Variants in SLC24A4 observed in about 807,000 individuals in gnomAD.
SLC24A4 encodes the protein solute carrier family 24 member 4.
SLC24A4 carries 53 observed loss-of-function variants against 79.0 expected under a neutral mutation model. The ratio of observed to expected loss-of-function variants is 0.67; its 90% CI spans 0.54 to 0.84. The LOEUF is 0.84. SLC24A4 is among the 40% of genes least tolerant of loss of function. The pLI is 0.00. For missense variants in SLC24A4, 731 were observed against 822.0 expected (o/e 0.89, Z 1.35); for synonymous variants, 323 against 323.8 (o/e 1.00, Z 0.03).
At position 92,500,008 on chromosome 14, in the gene SLC24A4, T is replaced by G. The variant is rs1178557036; in HGVS notation, c.*6380T>G. On this transcript the variant is annotated 3_prime_UTR_variant, in exon 17 of 17. Transcript: ENST00000532405. The stretch of plus-strand genomic sequence containing the variant: ...GCGCCTGCCACCACACCCAGCTAAT[T>G]TTTTGTATTTTTGGTACAGACAGGG... 6.6e-6 allele frequency: 1 copy of G among 151,922 alleles called. No individual in the cohort carries two copies. The highest frequency in any genetic ancestry group is 2.4e-5 in the African/African-American group (1 of 41,300). 9.4% of individuals were successfully genotyped at this position (151,922 alleles called of 1,614,324 possible).
At chr14:92,459,247 G>A (rs1006749254) in intron 12 of SLC24A4, among the ~76,000 whole-genome samples, 3 of 152,200 alleles carry the variant, frequency 2.0e-5, no homozygotes, top group South Asian at 2.1e-4. Context: ...GGAGGACCCC[G>A]GACCAGCCAC....
intron 16 of SLC24A4, 103 bp from the exon 17 acceptor site, chr14:92,493,373 G>A (rs1417544998): frequency 5.7e-6 from 8 of 1,399,444 alleles, no homozygotes; most frequent in Non-Finnish European, 7.8e-6. Flanking sequence ...CCCACATTCT[G>A]CAGAATGTTC....
At chr14:92,404,636 A>G (rs1434356886) in intron 2 of SLC24A4, among the ~76,000 whole-genome samples, 1 of 152,130 alleles carries the variant, frequency 6.6e-6, no homozygotes, top group Non-Finnish European at 1.5e-5. Context: ...TGTGCAAATA[A>G]CACCTCCTAG....
At chr14:92,414,299 G>A (rs1343739426) in intron 2 of SLC24A4, among the ~76,000 whole-genome samples, 1 of 152,180 alleles carries the variant, frequency 6.6e-6, no homozygotes, top group Non-Finnish European at 1.5e-5. Flanking sequence ...TGTCACCAGT[G>A]TCATAGGTAG....
intron 14 of SLC24A4, among the ~76,000 whole-genome samples, chr14:92,487,291 C>T (rs1946117434): frequency 1.3e-5 from 2 of 152,182 alleles, no homozygotes; most frequent in African/African-American, 4.8e-5. Flanking sequence ...GATGGTGGAA[C>T]AAAAGAGCTG....
At chr14:92,367,054 T>G (rs751159292) in intron 2 of SLC24A4, among the ~76,000 whole-genome samples, 1 of 152,152 alleles carries the variant, frequency 6.6e-6, no homozygotes. Context: ...AGGGAGCAGG[T>G]GGACACCCCG....
chr14:92,396,704 C>T (rs1253221483), intron 2 of SLC24A4, among the ~76,000 whole-genome samples: 1 of 152,170 alleles, frequency 6.6e-6, no homozygotes, highest in African/African-American at 2.4e-5. Flanking sequence ...TGATGCCCAG[C>T]GTGCCCAATT....
At chr14:92,385,644 C>T (rs1010859636) in intron 2 of SLC24A4, among the ~76,000 whole-genome samples, 14 of 152,262 alleles carry the variant, frequency 9.2e-5, no homozygotes, top group Admixed American at 3.3e-4. Context: ...GAGAGGCAGG[C>T]TCAGCAGGAG....
chr14:92,437,660 G>A (rs1360212731), intron 3 of SLC24A4, among the ~76,000 whole-genome samples: 2 of 152,184 alleles, frequency 1.3e-5, no homozygotes, highest in Admixed American at 6.5e-5. Context: ...GCGTTTTAAT[G>A]GTGCCAGCAT....
chr14:92,439,285 C>A, intron 3 of SLC24A4, 50 bp from the exon 4 acceptor site: 1 of 1,520,952 alleles, frequency 6.6e-7, no homozygotes, highest in Non-Finnish European at 9.1e-7. Context: ...CCCTTTGCAG[C>A]TGCAGCAGGG....
intron 3 of SLC24A4, among the ~76,000 whole-genome samples, chr14:92,436,326 A>C (rs1226104624): frequency 6.6e-6 from 1 of 152,220 alleles, no homozygotes; most frequent in Non-Finnish European, 1.5e-5. Flanking sequence ...GTTTTATTGG[A>C]GCACTGCCAC....
chr14:92,492,959 A>AAC (rs551206469), intron 16 of SLC24A4: 6,395 of 298,892 alleles, frequency 0.021, 173 homozygotes, highest in African/African-American at 0.042. Flanking sequence ...CTCTACCCCA[A>AAC]ACACACACAC....
At chr14:92,356,862 A>G (rs1030239171) in intron 2 of SLC24A4, among the ~76,000 whole-genome samples, 1 of 152,232 alleles carries the variant, frequency 6.6e-6, no homozygotes, top group Non-Finnish European at 1.5e-5. Flanking sequence ...CTGAGGATCT[A>G]ACACTAAGCC....
intron 2 of SLC24A4, among the ~76,000 whole-genome samples, chr14:92,427,272 T>C (rs1169606333): frequency 6.6e-6 from 1 of 152,204 alleles, no homozygotes; most frequent in Non-Finnish European, 1.5e-5. Flanking sequence ...ATTCACTCCA[T>C]AGGCATTTCA....
At chr14:92,460,860 C>T (rs533942923) in intron 12 of SLC24A4, among the ~76,000 whole-genome samples, 23 of 152,332 alleles carry the variant, frequency 1.5e-4, no homozygotes, top group African/African-American at 4.6e-4. Context: ...TGGAGCCCGG[C>T]AGCATCAGCA....
intron 16 of SLC24A4, chr14:92,492,997 CACACACACACACACACACACAG>C (rs1475651218): frequency 7.3e-5 from 28 of 384,290 alleles, no homozygotes; most frequent in Non-Finnish European, 1.1e-4. Flanking sequence ...CACACACACA[CACACACACACACACACACACAG>C]AGAAAGATTT....
At chr14:92,385,208 T>A (rs1399052679) in intron 2 of SLC24A4, among the ~76,000 whole-genome samples, 1 of 152,140 alleles carries the variant, frequency 6.6e-6, no homozygotes, top group Non-Finnish European at 1.5e-5. Flanking sequence ...AGATTATCTT[T>A]TTGCAAAAAT....
chr14:92,387,198 A>G (rs1164572603), intron 2 of SLC24A4, among the ~76,000 whole-genome samples: 1 of 139,404 alleles, frequency 7.2e-6, no homozygotes, highest in African/African-American at 3.2e-5. Flanking sequence ...TTTTTTTGAG[A>G]TGGAGTCTCG....
At chr14:92,408,640 A>G (rs1890537022) in intron 2 of SLC24A4, among the ~76,000 whole-genome samples, 1 of 147,986 alleles carries the variant, frequency 6.8e-6, no homozygotes, top group Admixed American at 6.7e-5. Flanking sequence ...CTCATTTGCA[A>G]AATAGACATA....
Sources: allele counts gnomAD v4.1 joint callset (sites outside exome capture counted in the v4.1 genomes callset), GRCh38; gene constraint gnomAD v4.1.1; transcripts MANE v1.5; gene names NCBI Gene and HGNC (gene_info 2026-07-23, HGNC 2026-07-21).